The following BIRC6 variants were observed in gnomAD, a reference collection of about 807,000 sequenced individuals.
The protein encoded by BIRC6 is dual E2 ubiquitin-conjugating enzyme/E3 ubiquitin-protein ligase BIRC6.
Under a neutral mutation model 503.3 loss-of-function variants are expected in BIRC6, and 98 were observed. The observed-to-expected ratio is 0.19, with a 90% confidence interval of 0.17 to 0.23. The LOEUF is 0.23. Among genes scored for constraint, BIRC6 ranks in the 10% least tolerant of loss-of-function variants. The pLI, the probability that BIRC6 is intolerant of heterozygous loss-of-function variation, is 1.00. For missense variants in BIRC6, 5,360 were observed against 5,806.0 expected, an observed-to-expected ratio of 0.92 and a Z score of 2.50; for synonymous variants, 2,240 against 2,078.7, an observed-to-expected ratio of 1.08 and a Z score of -2.11.
At chr2:32,481,775 G>GA (rs879271596) in intron 38 of BIRC6, among the ~76,000 whole-genome samples, 116 of 143,152 alleles carry the variant, frequency 8.1e-4, no homozygotes, top group African/African-American at 2.4e-3. Flanking sequence ...CAAAAAAAAA[G>GA]AAAAAAAAAA....
At chr2:32,600,996 C>G (rs1394481703) in intron 70 of BIRC6, among the ~76,000 whole-genome samples, 3 of 152,110 alleles carry the variant, frequency 2.0e-5, no homozygotes, top group Admixed American at 2.0e-4. Flanking sequence ...AGCTAATGAA[C>G]TTTAAAGAAA....
intron 39 of BIRC6, among the ~76,000 whole-genome samples, chr2:32,484,295 G>A (rs1288107233): frequency 6.6e-6 from 1 of 151,670 alleles, no homozygotes; most frequent in Non-Finnish European, 1.5e-5. Flanking sequence ...GGTCACGCCT[G>A]TAATCCCAGC....
At chr2:32,506,129 G>GT (rs1394975029) in intron 50 of BIRC6, among the ~76,000 whole-genome samples, 1 of 152,158 alleles carries the variant, frequency 6.6e-6, no homozygotes, top group Non-Finnish European at 1.5e-5. Context: ...GATTACAGGT[G>GT]TGACTACTGC....
rs754238102 is a variant in BIRC6, at chr2:32,468,747, C to G, written c.6091C>G (p.Leu2031Val). The change falls in exon 29 of 74, where the codon CTG becomes GTG. Residue 2031 changes from leucine to valine, a missense_variant. Leu to Val is a conservative substitution (Grantham distance 32). Around this residue, in one of 16 missense-constraint regions of BIRC6, gnomAD observed 2,299 missense variants for 2,267.2 expected, o/e 1.01. Transcript: ENST00000421745. ...GTTACGTACTATCATCAGATATTTA[C>G]TGGACACTTTGCTCAGCCTGCTTCA... The part of the protein sequence containing the change: ...EQLRTIIRYL[L>V]DTLLSLLHAS... 1.2e-6 allele frequency: 2 copies of G among 1,607,832 alleles called. No homozygotes were observed. The highest frequency in any genetic ancestry group is 1.7e-6 in the Non-Finnish European group (2 of 1,175,156).
At chr2:32,379,949 G>A (rs1238567392) in intron 2 of BIRC6, among the ~76,000 whole-genome samples, 1 of 152,036 alleles carries the variant, frequency 6.6e-6, no homozygotes, top group Non-Finnish European at 1.5e-5. Context: ...TTTCTACACT[G>A]AATACATTGC....
intron 69 of BIRC6, among the ~76,000 whole-genome samples, chr2:32,598,980 C>G (rs896056350): frequency 7.1e-6 from 1 of 140,016 alleles, no homozygotes; most frequent in Admixed American, 7.8e-5. Flanking sequence ...TGAGATCTCG[C>G]CACTGCACTG....
chr2:32,593,212 G>A (rs2061489677), intron 66 of BIRC6, among the ~76,000 whole-genome samples: 1 of 152,100 alleles, frequency 6.6e-6, no homozygotes, highest in Non-Finnish European at 1.5e-5. Context: ...ATAGAGAAAA[G>A]GAAATAATGT....
Position 32,593,896 on chromosome 2 carries a change from C to T in BIRC6, c.13356-19C>T. 6.2e-7 allele frequency: 1 copy of T among 1,601,004 alleles called. No homozygotes were observed. The highest frequency in any genetic ancestry group is 8.5e-7 in the Non-Finnish European group (1 of 1,172,916). On this transcript the variant is annotated intron_variant, in intron 66 of 73. Transcript: ENST00000421745. The stretch of plus-strand genomic sequence containing the variant: ...ATCTTAATTTTCCTTGCTTTTCTTT[C>T]CATATTAAAAAAATTCAGATCTAAA...
At chr2:32,462,282 G>A (rs1390400019) in intron 23 of BIRC6, among the ~76,000 whole-genome samples, 1 of 152,024 alleles carries the variant, frequency 6.6e-6, no homozygotes, top group African/African-American at 2.4e-5. Context: ...CTGACATATT[G>A]GATTAAGTTG....
chr2:32,398,730 G>A (rs939580484), intron 6 of BIRC6, among the ~76,000 whole-genome samples: 11 of 152,040 alleles, frequency 7.2e-5, no homozygotes, highest in African/African-American at 1.2e-4. Context: ...TTATATAGCC[G>A]CGTGTAACTT....
chr2:32,397,051 A>T (rs1279960247), intron 6 of BIRC6, among the ~76,000 whole-genome samples: 1 of 152,070 alleles, frequency 6.6e-6, no homozygotes, highest in African/African-American at 2.4e-5. Context: ...TTTTAACAAT[A>T]TACTGTAATA....
Position 32,436,045 on chromosome 2 carries a change from CT to C in BIRC6, c.3500-3del, listed in dbSNP as rs35211559. 1 of 1,358,714 alleles carries C rather than the reference CT, an allele frequency of 7.4e-7. No individual in the cohort carries two copies. The allele number at this position is 1,358,714 out of a possible 1,614,324, so 84.2% of individuals were successfully genotyped here. ...ATTTAAAAGAAAAATATGTATTTTTCTTTTTAGGTCTTAGATTATGTCCATT... is the reference window on the plus strand; with the variant it reads ...ATTTAAAAGAAAAATATGTATTTTTCTTTTAGGTCTTAGATTATGTCCATT... On this transcript the variant is annotated splice_polypyrimidine_tract_variant and splice_region_variant and intron_variant, in intron 14 of 73. Transcript: ENST00000421745.
chr2:32,392,102 T>C lies in BIRC6; in HGVS notation c.903T>C (p.Tyr301=). Residue 301 remains tyrosine, a synonymous_variant, in exon 5 of 74, where the codon TAT becomes TAC. Coordinates refer to ENST00000421745, the MANE Select transcript of BIRC6 (RefSeq NM_016252.4). ...ETFTSWPHVG[Y]RWAQPDPMAQ... ...TTACCTCATGGCCTCATGTAGGCTATAGGTGGGCACAACCAGATCCCATGG... is the reference window on the plus strand; with the variant it reads ...TTACCTCATGGCCTCATGTAGGCTACAGGTGGGCACAACCAGATCCCATGG... The C allele has an allele frequency of 2.5e-6, 4 of 1,599,040 alleles. No individual in the cohort carries two copies. Among genetic ancestry groups the C allele is most frequent in the Non-Finnish European group, 3.4e-6 (4 of 1,172,122 alleles).
chr2:32,547,809 A>C (rs757405628), intron 63 of BIRC6, 41 bp from the exon 64 acceptor site: 1 of 1,465,430 alleles, frequency 6.8e-7, no homozygotes, highest in East Asian at 2.4e-5. Context: ...AAGATAAGCA[A>C]AAACAAATTG....
chr2:32,545,194 A>G (rs915200609), intron 62 of BIRC6, among the ~76,000 whole-genome samples: 7 of 152,172 alleles, frequency 4.6e-5, no homozygotes, highest in Non-Finnish European at 1.5e-5. Context: ...TTTGCATTTA[A>G]TACCCCTTCC....
intron 8 of BIRC6, among the ~76,000 whole-genome samples, chr2:32,405,378 A>G (rs1320115127): frequency 2.0e-5 from 3 of 152,230 alleles, no homozygotes; most frequent in African/African-American, 2.4e-5. Context: ...TGAAAAAACT[A>G]AAACAGAGAA....
chr2:32,589,046 T>C (rs959917452), intron 66 of BIRC6, among the ~76,000 whole-genome samples: 24 of 152,324 alleles, frequency 1.6e-4, no homozygotes, highest in African/African-American at 5.5e-4. Flanking sequence ...CTTTTTTTTA[T>C]ATCTGATCTT....
At chr2:32,531,920 T>C (rs757741875) in intron 61 of BIRC6, among the ~76,000 whole-genome samples, 3 of 152,334 alleles carry the variant, frequency 2.0e-5, no homozygotes, top group Middle Eastern at 3.4e-3. Context: ...TATATGTCTT[T>C]TTGTTTACCT....
chr2:32,618,224 TTTTA>T lies in BIRC6; in HGVS notation c.*324_*327del, dbSNP rs1559168925. The T allele has an allele frequency of 3.8e-4, 55 of 143,306 alleles. No homozygotes were observed. The highest frequency in any genetic ancestry group is 1.2e-3 in the African/African-American group (41 of 33,378). 8.9% of individuals were successfully genotyped at this position (143,306 alleles called of 1,614,324 possible). A position where few individuals can be genotyped will look rare whatever the true frequency, so the allele number is the denominator to read the frequency against. On this transcript the variant is annotated 3_prime_UTR_variant, in exon 74 of 74. Coordinates refer to ENST00000421745, the MANE Select transcript of BIRC6 (RefSeq NM_016252.4). ...GAATGTTTACTGAATGTTTATTTTA[TTTTA>T]TTTTTTTTTTACTATAGAGTGAGGG...
Sources: allele counts gnomAD v4.1 joint callset (sites outside exome capture counted in the v4.1 genomes callset), GRCh38; gene constraint gnomAD v4.1.1; regional missense constraint gnomAD v4.1.1; transcripts MANE v1.5; gene names NCBI Gene and HGNC (gene_info 2026-07-23, HGNC 2026-07-21).